Variants in YWHAE observed in about 807,000 individuals in gnomAD.
YWHAE encodes the protein 14-3-3 protein epsilon.
A neutral mutation model predicts 30.1 loss-of-function variants in YWHAE; 4 were observed. That is an observed-to-expected ratio of 0.13 (90% CI 0.07 to 0.30). The LOEUF (loss-of-function observed/expected upper bound fraction) is 0.30, where lower values mean the gene tolerates loss of function less well. Among genes scored for constraint, YWHAE ranks in the 10% least tolerant of loss-of-function variants. YWHAE has a pLI of 1.00. For synonymous variants in YWHAE, 118 were observed against 111.8 expected (o/e 1.06, Z -0.35); for missense variants, 121 against 315.9 (o/e 0.38, Z 4.68).
chr17:1,392,591 T>A (rs1163751470), intron 1 of YWHAE, among the ~76,000 whole-genome samples: 2 of 152,132 alleles, frequency 1.3e-5, no homozygotes, highest in Non-Finnish European at 2.9e-5. Flanking sequence ...GGCTCACACC[T>A]ATAATCCCAG....
intron 2 of YWHAE, among the ~76,000 whole-genome samples, chr17:1,364,359 T>C (rs1488069033): frequency 1.3e-5 from 2 of 152,006 alleles, no homozygotes; most frequent in Admixed American, 1.3e-4. Flanking sequence ...CCCGAGTAGC[T>C]GGGACCACAG....
intron 5 of YWHAE, among the ~76,000 whole-genome samples, chr17:1,346,146 A>G (rs1458691546): frequency 6.6e-6 from 1 of 152,190 alleles, no homozygotes; most frequent in Middle Eastern, 3.2e-3. Flanking sequence ...CACTCATGCT[A>G]TTTGTCTTTT....
At chr17:1,373,549 T>G (rs890868718) in intron 1 of YWHAE, among the ~76,000 whole-genome samples, 1 of 151,860 alleles carries the variant, frequency 6.6e-6, no homozygotes, top group South Asian at 2.1e-4. Context: ...GCGCCTGTAG[T>G]CCCAGCTACT....
At chr17:1,362,376 T>C (rs1004121823) in intron 2 of YWHAE, among the ~76,000 whole-genome samples, 8 of 152,154 alleles carry the variant, frequency 5.3e-5, no homozygotes, top group Non-Finnish European at 8.8e-5. Flanking sequence ...TTTCACAAGG[T>C]AGCAACGTAA....
Position 1,354,335 on chromosome 17 carries a change from T to A in YWHAE, c.591A>T (p.Ala197=). Residue 197 remains alanine (A), a synonymous_variant, in exon 5 of 6, where the codon GCA becomes GCT. Coordinates refer to ENST00000264335, the MANE Select transcript of YWHAE (RefSeq NM_006761.5). ...SPDRACRLAK[A]AFDDAIAELD... ...GTTCTGCAATTGCATCATCAAAAGC[T>A]GCTTTTGCCAACCTAAAGGTATTTC... is the stretch of plus-strand genomic sequence containing the variant. 1 of 1,613,750 alleles carries A rather than the reference T, an allele frequency of 6.2e-7. No homozygotes were observed. The highest frequency in any genetic ancestry group is 1.1e-5 in the South Asian group (1 of 90,916).
Position 1,364,904 on chromosome 17 carries a change from C to T in YWHAE, c.219G>A (p.Lys73=). 1.9e-6 allele frequency: 3 copies of T among 1,614,054 alleles called. No homozygotes were observed. Among genetic ancestry groups the T allele is most frequent in the Non-Finnish European group, 2.5e-6 (3 of 1,179,950 alleles). ...ISSIEQKEEN[K]GGEDKLKMIR... is the part of the protein sequence containing the mutation. ...TCATTTTTAGCTTGTCTTCTCCTCC[C>T]TTGTTTTCTTCTTTCTGTTCAATGC... Residue 73 remains lysine (K), a synonymous_variant, in exon 2 of 6, where the codon AAG becomes AAA. Coordinates refer to ENST00000264335, the MANE Select transcript of YWHAE (RefSeq NM_006761.5).
chr17:1,358,586 T>C (rs973669097), intron 4 of YWHAE, among the ~76,000 whole-genome samples: 10 of 148,728 alleles, frequency 6.7e-5, no homozygotes, highest in Admixed American at 1.3e-4. Flanking sequence ...ATGCCTGTAA[T>C]CCCAGCACTT....
At chr17:1,396,932 T>C (rs534190266) in intron 1 of YWHAE, among the ~76,000 whole-genome samples, 1 of 149,470 alleles carries the variant, frequency 6.7e-6, no homozygotes, top group East Asian at 2.0e-4. Flanking sequence ...TCTTTTTTTT[T>C]TTTTTGGAGA....
intron 1 of YWHAE, among the ~76,000 whole-genome samples, chr17:1,379,580 CT>C (rs1280061969): frequency 6.6e-6 from 1 of 152,144 alleles, no homozygotes; most frequent in East Asian, 1.9e-4. Flanking sequence ...TGGAAAGAAT[CT>C]AAGAATGTAA....
chr17:1,377,615 CAAAAAGAAA>C (rs754272714), intron 1 of YWHAE, among the ~76,000 whole-genome samples: 4 of 151,572 alleles, frequency 2.6e-5, no homozygotes, highest in Non-Finnish European at 5.9e-5. Context: ...CTCTGTCTCT[CAAAAAGAAA>C]GAGTTCAGTC....
At chr17:1,373,647 GAC>G (rs1360751477) in intron 1 of YWHAE, among the ~76,000 whole-genome samples, 2 of 151,104 alleles carry the variant, frequency 1.3e-5, no homozygotes, top group Non-Finnish European at 2.9e-5. Context: ...CAGCCTGGGT[GAC>G]AGAGTGAGAC....
At chr17:1,369,302 T>C (rs2072994009) in intron 1 of YWHAE, among the ~76,000 whole-genome samples, 1 of 152,136 alleles carries the variant, frequency 6.6e-6, no homozygotes, top group Admixed American at 6.6e-5. Context: ...AAGAACAGCC[T>C]GGCCAACATA....
intron 3 of YWHAE, 68 bp downstream of exon 3, chr17:1,361,834 G>C (rs1338062331): frequency 9.5e-7 from 1 of 1,049,598 alleles, no homozygotes; most frequent in Non-Finnish European, 1.4e-6. Flanking sequence ...AACCTACATA[G>C]AACAAAGTTA....
intron 4 of YWHAE, among the ~76,000 whole-genome samples, 186 bp downstream of exon 4, chr17:1,360,906 T>C (rs1371150331): frequency 6.6e-6 from 1 of 152,200 alleles, no homozygotes; most frequent in Non-Finnish European, 1.5e-5. Flanking sequence ...ATAATTATGC[T>C]GACTGCTATG....
chr17:1,375,586 C>T (rs2073109713), intron 1 of YWHAE, among the ~76,000 whole-genome samples: 1 of 152,162 alleles, frequency 6.6e-6, no homozygotes, highest in African/African-American at 2.4e-5. Flanking sequence ...ATTTCTGGGA[C>T]TTTTCATGGT....
chr17:1,364,751 A>T, intron 2 of YWHAE, 108 bp downstream of exon 2: 1 of 1,277,944 alleles, frequency 7.8e-7, no homozygotes, highest in Non-Finnish European at 1.1e-6. Flanking sequence ...ACATACTGTA[A>T]TACAAGTTAT....
At chr17:1,369,083 T>C (rs2072990744) in intron 1 of YWHAE, among the ~76,000 whole-genome samples, 1 of 152,232 alleles carries the variant, frequency 6.6e-6, no homozygotes, top group Non-Finnish European at 1.5e-5. Flanking sequence ...GCATAAATGC[T>C]TTCATTTTTA....
intron 1 of YWHAE, among the ~76,000 whole-genome samples, chr17:1,368,001 A>G (rs1237567073): frequency 6.6e-6 from 1 of 152,208 alleles, no homozygotes; most frequent in Non-Finnish European, 1.5e-5. Flanking sequence ...CTGTCATCTT[A>G]GCACTTTGGG....
intron 2 of YWHAE, among the ~76,000 whole-genome samples, chr17:1,364,128 G>A (rs1469137162): frequency 1.3e-5 from 2 of 151,310 alleles, no homozygotes; most frequent in Admixed American, 6.6e-5. Flanking sequence ...TTTTATATAT[G>A]TATATACACC....
Sources: gnomAD v4.1 joint callset for allele counts (sites outside exome capture counted in the v4.1 genomes callset) on GRCh38, gnomAD v4.1.1 for gene constraint, MANE v1.5 for transcripts, NCBI Gene and HGNC (gene_info 2026-07-23, HGNC 2026-07-21) for gene names.